Variants in PJA2 observed in about 807,000 individuals in gnomAD.
PJA2 encodes E3 ubiquitin-protein ligase Praja-2.
In PJA2, 25 loss-of-function variants were observed where a neutral mutation model predicts 69.3. That is an observed-to-expected ratio of 0.36 (90% CI 0.26 to 0.50). The LOEUF (loss-of-function observed/expected upper bound fraction) is 0.50. PJA2 is among the 20% of genes least tolerant of loss of function. The probability of loss-of-function intolerance (pLI) is 0.96; values close to 1 mark genes in which losing one functional copy is unlikely to be tolerated. For synonymous variants in PJA2, 308 were observed against 277.8 expected, an observed-to-expected ratio of 1.11 and a Z score of -1.08; for missense variants, 809 against 830.2, an observed-to-expected ratio of 0.97 and a Z score of 0.31.
intron 1 of PJA2, among the ~76,000 whole-genome samples, chr5:109,401,719 G>A (rs1747556135): frequency 6.6e-6 from 1 of 152,162 alleles, no homozygotes; most frequent in Non-Finnish European, 1.5e-5. Context: ...CAGTAGAATT[G>A]AAGTCCAAGA....
chr5:109,399,068 G>A (rs192250111), intron 1 of PJA2, among the ~76,000 whole-genome samples: 2 of 152,146 alleles, frequency 1.3e-5, no homozygotes, highest in Admixed American at 6.5e-5. Context: ...AAAATTAGCC[G>A]GGTTTGGTGG....
At chr5:109,408,170 G>A (rs1007838825) in intron 1 of PJA2, among the ~76,000 whole-genome samples, 2 of 152,156 alleles carry the variant, frequency 1.3e-5, no homozygotes, top group African/African-American at 4.8e-5. Context: ...GTTAACAGTG[G>A]CTGACAATCA....
intron 6 of PJA2, among the ~76,000 whole-genome samples, chr5:109,358,593 C>T (rs556772018): frequency 2.5e-3 from 376 of 152,192 alleles, no homozygotes; most frequent in African/African-American, 8.7e-3. Flanking sequence ...CCGAGGTGGG[C>T]GGATCACTTT....
At chr5:109,362,799 C>G in intron 6 of PJA2, 41 bp downstream of exon 6, 1 of 1,504,978 alleles carries the variant, frequency 6.6e-7, no homozygotes, top group Non-Finnish European at 9.0e-7. Context: ...ATCATGAACT[C>G]AGAGCCTAAT....
intron 5 of PJA2, among the ~76,000 whole-genome samples, 189 bp from the exon 6 acceptor site, chr5:109,363,211 A>G (rs1374089242): frequency 6.6e-6 from 1 of 152,226 alleles, no homozygotes; most frequent in Non-Finnish European, 1.5e-5. Context: ...TTATAGGGTC[A>G]TATGTATACA....
intron 1 of PJA2, among the ~76,000 whole-genome samples, chr5:109,391,766 G>A (rs896100179): frequency 2.0e-5 from 3 of 152,066 alleles, no homozygotes; most frequent in African/African-American, 4.8e-5. Context: ...ACTTTTAGAT[G>A]GTTGACAGAT....
Position 109,378,773 on chromosome 5 carries a change from T to A in PJA2, c.714A>T (p.Leu238Phe). ...CAGTATCACCAGCAGAACTTTTCAC[T>A]AATGGTACAGAATCTAACTCTTCAA... ...DEFEELDSVP[L>F]VKSSAGDTEF... The change falls in exon 4 of 10, where the codon TTA becomes TTT. Residue 238 changes from leucine to phenylalanine, a missense_variant. Physicochemically the swap from Leu to Phe is conservative, Grantham distance 22 (BLOSUM62 0). Coordinates refer to ENST00000361189, the MANE Select transcript of PJA2 (RefSeq NM_014819.5). 2.5e-6 allele frequency: 4 copies of A among 1,612,470 alleles called. No homozygotes were observed. The highest frequency in any genetic ancestry group is 3.4e-6 in the Non-Finnish European group (4 of 1,179,992).
chr5:109,342,414 G>C (rs1459288282), intron 9 of PJA2, among the ~76,000 whole-genome samples: 1 of 130,120 alleles, frequency 7.7e-6, no homozygotes, highest in Non-Finnish European at 1.6e-5. Context: ...CGCCCGGTCC[G>C]GGAGGGAGGT....
At chr5:109,348,688 T>C (rs1193312523) in intron 7 of PJA2, among the ~76,000 whole-genome samples, 1 of 152,070 alleles carries the variant, frequency 6.6e-6, no homozygotes, top group African/African-American at 2.4e-5. Flanking sequence ...AAGAAAGAAC[T>C]GAAGATATAA....
intron 2 of PJA2, 125 bp from the exon 3 acceptor site, chr5:109,381,828 T>C: frequency 5.5e-6 from 4 of 728,584 alleles, no homozygotes; most frequent in Non-Finnish European, 8.9e-6. Flanking sequence ...GAACATGAAG[T>C]GTACCTTACT....
chr5:109,341,369 G>A (rs921772649), intron 9 of PJA2, among the ~76,000 whole-genome samples: 7 of 147,408 alleles, frequency 4.7e-5, no homozygotes, highest in Middle Eastern at 3.8e-3. Context: ...CTGCCCGGCC[G>A]CCCCGTCTGA....
intron 5 of PJA2, among the ~76,000 whole-genome samples, chr5:109,364,196 T>A (rs1762544294): frequency 6.6e-6 from 1 of 152,068 alleles, no homozygotes; most frequent in Non-Finnish European, 1.5e-5. Flanking sequence ...GACAACTGGG[T>A]ATTCGCCCGC....
intron 5 of PJA2, among the ~76,000 whole-genome samples, chr5:109,363,943 G>T (rs113517768): frequency 6.4e-4 from 98 of 152,194 alleles, no homozygotes; most frequent in African/African-American, 2.0e-3. Context: ...CTTGAGGCCA[G>T]GAGTTTGAGA....
At chr5:109,361,800 A>G (rs927087779) in intron 6 of PJA2, among the ~76,000 whole-genome samples, 3 of 152,260 alleles carry the variant, frequency 2.0e-5, no homozygotes, top group Non-Finnish European at 2.9e-5. Context: ...AATGGTGATA[A>G]AAGTCTGTTC....
At chr5:109,398,201 T>C (rs1045435704) in intron 1 of PJA2, among the ~76,000 whole-genome samples, 4 of 152,212 alleles carry the variant, frequency 2.6e-5, no homozygotes, top group Middle Eastern at 3.4e-3. Context: ...GTTCAACCAT[T>C]GTGGAAGACA....
rs1761934233 is a variant in PJA2, at chr5:109,336,102, T to C, written c.*1129A>G. 6.6e-6 allele frequency: 1 copy of C among 152,622 alleles called. No homozygotes were observed. Among genetic ancestry groups the C allele is most frequent in the South Asian group, 2.1e-4 (1 of 4,832 alleles). The allele number at this position is 152,622 out of a possible 1,614,324, so 9.5% of individuals were successfully genotyped here. A position where few individuals can be genotyped will look rare whatever the true frequency, so the allele number is the denominator to read the frequency against. ...GGAAGCCATATAAATATTCCTTTTA[T>C]GTGCCCAAACTAAATTATCAATGTA... On this transcript the variant is annotated 3_prime_UTR_variant, in exon 10 of 10. Coordinates refer to ENST00000361189, the MANE Select transcript of PJA2 (RefSeq NM_014819.5).
intron 5 of PJA2, among the ~76,000 whole-genome samples, chr5:109,366,278 T>C (rs983066377): frequency 6.6e-6 from 1 of 152,206 alleles, no homozygotes; most frequent in Admixed American, 6.5e-5. Context: ...AAATATGTAA[T>C]CATAGATTCA....
intron 1 of PJA2, among the ~76,000 whole-genome samples, chr5:109,386,645 T>A (rs76550316): frequency 1.7e-3 from 264 of 152,236 alleles, no homozygotes; most frequent in Middle Eastern, 6.8e-3. Context: ...CATGTTTTTA[T>A]CATTTTTTTT....
intron 4 of PJA2, among the ~76,000 whole-genome samples, 161 bp downstream of exon 4, chr5:109,378,043 T>G (rs966773348): frequency 2.0e-5 from 3 of 152,136 alleles, no homozygotes. Context: ...TTCTAATGAG[T>G]AGTTTGCATG....
Sources: allele counts gnomAD v4.1 joint callset (sites outside exome capture counted in the v4.1 genomes callset), GRCh38; gene constraint gnomAD v4.1.1; transcripts MANE v1.5; gene names NCBI Gene and HGNC (gene_info 2026-07-23, HGNC 2026-07-21).